PCBP3: variants seen among roughly 807,000 people sequenced by gnomAD.
PCBP3 encodes the protein poly(rC)-binding protein 3.
PCBP3 carries 25 observed loss-of-function variants against 52.7 expected under a neutral mutation model. That is an observed-to-expected ratio of 0.47 (90% CI 0.35 to 0.66). PCBP3 has a LOEUF of 0.66. Among genes scored for constraint, PCBP3 ranks in the 30% least tolerant of loss-of-function variants. The pLI is 0.01. For synonymous variants in PCBP3, 162 were observed against 183.0 expected, an observed-to-expected ratio of 0.89 and a Z score of 0.93; for missense variants, 391 against 490.3, an observed-to-expected ratio of 0.80 and a Z score of 1.91.
chr21:45,691,438 ATATATATG>A (rs2082468634), intron 2 of PCBP3, among the ~76,000 whole-genome samples: 2 of 102,816 alleles, frequency 1.9e-5, no homozygotes, highest in African/African-American at 9.5e-5. Flanking sequence ...TATATATATC[ATATATATG>A]TATGTATGTA....
chr21:45,875,840 C>T (rs1353795910), intron 5 of PCBP3, among the ~76,000 whole-genome samples: 1 of 152,230 alleles, frequency 6.6e-6, no homozygotes, highest in East Asian at 1.9e-4. Context: ...ATAGGACACA[C>T]ATTTGAGGGC....
chr21:45,865,429 CA>C (rs1279394119), intron 5 of PCBP3, among the ~76,000 whole-genome samples: 1 of 152,240 alleles, frequency 6.6e-6, no homozygotes, highest in East Asian at 1.9e-4. Context: ...TCGCTTCTAT[CA>C]GTGGAAGATA....
Position 45,909,427 on chromosome 21 carries a change from G to T in PCBP3, c.412G>T (p.Ala138Ser), listed in dbSNP as rs2096282276. Residue 138 changes from alanine to serine, a missense_variant, in exon 10 of 18, where the codon GCC (alanine) becomes TCC (serine). By Grantham distance (99) the Ala-to-Ser change is moderately conservative. Transcript: ENST00000681687. Reference sequence around the variant, plus strand: ...AGTGACGCTGAGGCTGGTGGTGCCTGCCAGCCAGTGTGGGTCCCTGATCGG... The same window carrying T: ...AGTGACGCTGAGGCTGGTGGTGCCTTCCAGCCAGTGTGGGTCCCTGATCGG... ...PPVTLRLVVP[A>S]SQCGSLIGKG... is the part of the protein sequence containing the mutation. 1.2e-6 allele frequency: 2 copies of T among 1,612,930 alleles called. No individual in the cohort carries two copies. Among genetic ancestry groups the T allele is most frequent in the African/African-American group, 2.7e-5 (2 of 74,896 alleles).
chr21:45,785,922 C>G (rs573276606), intron 4 of PCBP3, among the ~76,000 whole-genome samples: 3 of 149,880 alleles, frequency 2.0e-5, no homozygotes, highest in Admixed American at 6.6e-5. Context: ...GTTAAACAGA[C>G]GCTTGAAGGC....
At chr21:45,727,910 A>G (rs2148419943) in intron 2 of PCBP3, among the ~76,000 whole-genome samples, 1 of 152,304 alleles carries the variant, frequency 6.6e-6, no homozygotes, top group South Asian at 2.1e-4. Flanking sequence ...TCTGGACTGT[A>G]TTCTATTCCA....
intron 13 of PCBP3, among the ~76,000 whole-genome samples, chr21:45,927,827 A>T (rs993189514): frequency 6.6e-6 from 1 of 152,146 alleles, no homozygotes; most frequent in African/African-American, 2.4e-5. Context: ...TCCTGTCGCC[A>T]CGGCCACAAG....
At chr21:45,938,764 G>T (rs13050871) in intron 16 of PCBP3, among the ~76,000 whole-genome samples, 19,196 of 152,208 alleles carry the variant, frequency 0.13, 1,703 homozygotes, top group African/African-American at 0.26. Flanking sequence ...AAGACTGAGG[G>T]TTCTGTAGTC....
At chr21:45,727,711 A>T (rs1490858904) in intron 2 of PCBP3, among the ~76,000 whole-genome samples, 1 of 151,730 alleles carries the variant, frequency 6.6e-6, no homozygotes, top group Non-Finnish European at 1.5e-5. Flanking sequence ...ATGTGAGAGG[A>T]GGTGGTTGGG....
intron 8 of PCBP3, 108 bp downstream of exon 8, chr21:45,900,731 G>T: frequency 1.1e-6 from 1 of 941,662 alleles, no homozygotes; most frequent in Non-Finnish European, 1.7e-6. Context: ...GCCAGCCGGG[G>T]TGTGTGGGGA....
Position 45,656,751 on chromosome 21 carries a change from T to C in PCBP3, c.-278-12123T>C, listed in dbSNP as rs2080047399. Among the ~76,000 whole-genome samples, 1 of 152,236 alleles carries C rather than the reference T, an allele frequency of 6.6e-6. No homozygotes were observed. The highest frequency in any genetic ancestry group is 6.5e-5 in the Admixed American group (1 of 15,284). ...AGTTGTAAGTGTTCTTTATGTATTCTGTATGTTAGTCCCTTATCAGGTATA... is the reference window on the plus strand; with the variant it reads ...AGTTGTAAGTGTTCTTTATGTATTCCGTATGTTAGTCCCTTATCAGGTATA... On this transcript the variant is annotated intron_variant, in intron 1 of 17. Transcript: ENST00000681687. The surrounding 1 kb of genome is among the most constrained non-coding windows in gnomAD (Gnocchi z 4.3).
chr21:45,926,529 G>C (rs2075434608), intron 13 of PCBP3, among the ~76,000 whole-genome samples: 1 of 152,146 alleles, frequency 6.6e-6, no homozygotes, highest in Admixed American at 6.5e-5. Context: ...GGTGCAGTGG[G>C]AGACAAGTAG....
intron 4 of PCBP3, among the ~76,000 whole-genome samples, chr21:45,758,412 C>T (rs1374407159): frequency 6.6e-6 from 1 of 152,150 alleles, no homozygotes; most frequent in African/African-American, 2.4e-5. Context: ...ATTGCCATGA[C>T]AACAATATGA....
At chr21:45,899,816 T>C (rs1049002775) in intron 7 of PCBP3, among the ~76,000 whole-genome samples, 194 bp downstream of exon 7, 1 of 152,192 alleles carries the variant, frequency 6.6e-6, no homozygotes, top group Admixed American at 6.5e-5. Flanking sequence ...TCCCTGGCTC[T>C]GCGTGGCCTG....
chr21:45,660,296 C>A (rs1220680476), intron 1 of PCBP3, among the ~76,000 whole-genome samples: 1 of 151,966 alleles, frequency 6.6e-6, no homozygotes, highest in Non-Finnish European at 1.5e-5. Context: ...TTCAAGCTCT[C>A]CTTTGGTTAC....
chr21:45,930,936 A>G (rs981902100), intron 15 of PCBP3, 91 bp downstream of exon 15: 2 of 1,562,368 alleles, frequency 1.3e-6, no homozygotes, highest in Admixed American at 3.7e-5. Context: ...CCGCTGCAGC[A>G]GTTTCCAGCT....
chr21:45,702,860 G>A (rs888350174), intron 2 of PCBP3, among the ~76,000 whole-genome samples: 2 of 152,190 alleles, frequency 1.3e-5, no homozygotes, highest in African/African-American at 2.4e-5. Flanking sequence ...ATTGGAGTCA[G>A]TCCTCTCAAA....
At chr21:45,810,245 T>TGTGA (rs1555949747) in intron 4 of PCBP3, among the ~76,000 whole-genome samples, 1 of 149,608 alleles carries the variant, frequency 6.7e-6, no homozygotes, top group East Asian at 1.9e-4. Flanking sequence ...TGTGTGTGTG[T>TGTGA]GAGAGAGTGT....
intron 4 of PCBP3, chr21:45,759,714 A>C (rs771661111): frequency 6.6e-6 from 1 of 152,228 alleles, no homozygotes; most frequent in Non-Finnish European, 1.5e-5. Context: ...CAATGGAGTA[A>C]AAGTAACATT....
intron 3 of PCBP3, chr21:45,749,794 CT>C (rs2087251119): frequency 6.6e-6 from 1 of 152,264 alleles, no homozygotes; most frequent in Non-Finnish European, 1.5e-5. Context: ...CCATTGTCAG[CT>C]TACAAAACCC....
Sources: allele counts gnomAD v4.1 joint callset (sites outside exome capture counted in the v4.1 genomes callset), GRCh38; gene constraint gnomAD v4.1.1; non-coding constraint Gnocchi (gnomAD v3.1); transcripts MANE v1.5; gene names NCBI Gene and HGNC (gene_info 2026-07-23, HGNC 2026-07-21).